Variants in GRM7 observed in about 807,000 individuals in gnomAD.
The protein encoded by GRM7 is glutamate metabotropic receptor 7, also known as metabotropic glutamate receptor 7.
GRM7 carries 35 observed loss-of-function variants against 84.5 expected under a neutral mutation model. The ratio of observed to expected loss-of-function variants is 0.41; its 90% CI spans 0.32 to 0.55. The LOEUF is 0.55. GRM7 is among the 20% of genes least tolerant of loss of function. The probability of loss-of-function intolerance (pLI) is 0.19; values close to 1 mark genes in which losing one functional copy is unlikely to be tolerated. For missense variants in GRM7, 1,003 were observed against 1,194.6 expected (o/e 0.84, Z 2.36); for synonymous variants, 487 against 455.1 (o/e 1.07, Z -0.89).
rs1264779822 is a variant in GRM7 at position 6,953,517 on chromosome 3, C to G, written c.519+91610C>G. Among the ~76,000 whole-genome samples, 4 of 152,242 alleles carry G rather than the reference C, an allele frequency of 2.6e-5. No individual in the cohort carries two copies. In the East Asian group the frequency reaches 7.7e-4, roughly 29 times the overall value. On this transcript the variant is annotated intron_variant, in intron 1 of 9. Transcript: ENST00000357716. The stretch of plus-strand genomic sequence containing the variant: ...ATGCTTCATTTTTCCCCCCATGCCT[C>G]CAACTCTGATGCTGTGCAGTAGCCT...
At chr3:7,006,786 A>G (rs1033388836) in intron 1 of GRM7, among the ~76,000 whole-genome samples, 7 of 152,214 alleles carry the variant, frequency 4.6e-5, no homozygotes, top group African/African-American at 1.7e-4. Context: ...TCATTTTACA[A>G]TCTTTAAGTA....
intron 1 of GRM7, among the ~76,000 whole-genome samples, chr3:6,980,422 AT>A (rs1429958823): frequency 6.6e-6 from 1 of 152,098 alleles, no homozygotes; most frequent in African/African-American, 2.4e-5. Flanking sequence ...ATTCCCAACA[AT>A]TTTTTATAAT....
At chr3:6,927,273 C>A (rs1697330597) in intron 1 of GRM7, among the ~76,000 whole-genome samples, 1 of 151,722 alleles carries the variant, frequency 6.6e-6, no homozygotes, top group Admixed American at 6.6e-5. Flanking sequence ...ACTAAAAACA[C>A]AAAAATTAGC....
At position 7,441,576 on chromosome 3, in the gene GRM7, T is replaced by A. The variant is rs569902000; in HGVS notation, c.1175-11031T>A. Among the ~76,000 whole-genome samples the A allele has an allele frequency of 3.2e-4, 48 of 152,288 alleles. No individual in the cohort carries two copies. In the South Asian group the frequency reaches 9.1e-3, roughly 29 times the overall value. On this transcript the variant is annotated intron_variant, in intron 5 of 9. Coordinates refer to ENST00000357716, the MANE Select transcript of GRM7 (RefSeq NM_000844.4). ...TTGCCAGGGCCTATATCTAGAATGATATTTCCAAATTTTCTTAAAGAGTTT... is the reference window on the plus strand; with the variant it reads ...TTGCCAGGGCCTATATCTAGAATGAAATTTCCAAATTTTCTTAAAGAGTTT...
At chr3:7,420,494 G>A (rs553979469) in intron 5 of GRM7, among the ~76,000 whole-genome samples, 18 of 152,126 alleles carry the variant, frequency 1.2e-4, no homozygotes, top group Non-Finnish European at 2.1e-4. Flanking sequence ...TTACACCTTT[G>A]TGCTTTCTTA....
rs34179790 is a variant in GRM7, at chr3:7,605,488, C to T, written c.2451+26131C>T. On this transcript the variant is annotated intron_variant, in intron 8 of 9. Transcript: ENST00000357716. ...ATATACGATTTATACAAATAGTGAACATAATTTTCACAGCAGAAAAAAATC... is the reference window on the plus strand; with the variant it reads ...ATATACGATTTATACAAATAGTGAATATAATTTTCACAGCAGAAAAAAATC... Among the ~76,000 whole-genome samples, 504 of 152,076 alleles carry T rather than the reference C, an allele frequency of 3.3e-3. 4 individuals are homozygous for T. The highest frequency in any genetic ancestry group is 8.3e-3 in the South Asian group (40 of 4,816).
At chr3:7,329,907 C>A (rs78053000) in intron 4 of GRM7, among the ~76,000 whole-genome samples, 12 of 151,574 alleles carry the variant, frequency 7.9e-5, no homozygotes, top group East Asian at 2.0e-4. Context: ...ATTAATTTTC[C>A]AGTTGTGTAG....
chr3:7,147,455 C>T (rs940300114), intron 2 of GRM7, among the ~76,000 whole-genome samples: 7 of 152,104 alleles, frequency 4.6e-5, no homozygotes, highest in Non-Finnish European at 1.0e-4. Flanking sequence ...AATGGGTGCT[C>T]AGTGTTGTTT....
At chr3:7,202,140 A>G (rs1020025172) in intron 2 of GRM7, among the ~76,000 whole-genome samples, 8 of 152,188 alleles carry the variant, frequency 5.3e-5, no homozygotes, top group Non-Finnish European at 7.4e-5. Context: ...GTCTCAAATT[A>G]AAGGCTATTT....
At chr3:7,666,556 A>G (rs1445208566) in intron 8 of GRM7, among the ~76,000 whole-genome samples, 5 of 152,204 alleles carry the variant, frequency 3.3e-5, no homozygotes, top group Non-Finnish European at 7.3e-5. Context: ...CTACCATGGC[A>G]TCCTCTGCAC....
chr3:7,046,723 C>A, intron 1 of GRM7, among the ~76,000 whole-genome samples: 1 of 152,020 alleles, frequency 6.6e-6, no homozygotes, highest in East Asian at 1.9e-4. Flanking sequence ...AAAAGAAGGA[C>A]AATGGATGCA....
At chr3:7,538,323 C>T (rs2125012756) in intron 7 of GRM7, among the ~76,000 whole-genome samples, 1 of 152,188 alleles carries the variant, frequency 6.6e-6, no homozygotes, top group African/African-American at 2.4e-5. Context: ...TGTTGGCCAG[C>T]CTGGTCTCAA....
chr3:7,477,708 G>A (rs1372712583), intron 7 of GRM7, among the ~76,000 whole-genome samples: 1 of 152,076 alleles, frequency 6.6e-6, no homozygotes, highest in Non-Finnish European at 1.5e-5. Context: ...TTTAAAATAT[G>A]TCTTTTGAAA....
intron 1 of GRM7, among the ~76,000 whole-genome samples, chr3:7,064,966 C>A (rs1697599410): frequency 6.6e-6 from 1 of 151,666 alleles, no homozygotes; most frequent in Admixed American, 6.6e-5. Context: ...TTCATATGTT[C>A]ATTGGCCATT....
chr3:7,499,987 A>G (rs1287634175), intron 7 of GRM7, among the ~76,000 whole-genome samples: 1 of 152,002 alleles, frequency 6.6e-6, no homozygotes, highest in Admixed American at 6.6e-5. Flanking sequence ...TGTTAGCCAG[A>G]ATGGTCTCAA....
At chr3:7,385,289 ATTTTTTT>A (rs574917994) in intron 4 of GRM7, among the ~76,000 whole-genome samples, 26 of 67,286 alleles carry the variant, frequency 3.9e-4, no homozygotes, top group Middle Eastern at 0.014. Flanking sequence ...TTCTATATGG[ATTTTTTT>A]TTTTTTTTTT....
At chr3:7,438,264 T>C (rs766684901) in intron 5 of GRM7, among the ~76,000 whole-genome samples, 1 of 151,926 alleles carries the variant, frequency 6.6e-6, no homozygotes, top group Non-Finnish European at 1.5e-5. Flanking sequence ...GATAATAACT[T>C]GGAGAAGGGC....
intron 7 of GRM7, among the ~76,000 whole-genome samples, chr3:7,548,043 G>T (rs574466598): frequency 6.6e-6 from 1 of 152,354 alleles, no homozygotes; most frequent in East Asian, 1.9e-4. Context: ...ATCTTGAACA[G>T]TTGGCCAACA....
intron 1 of GRM7, among the ~76,000 whole-genome samples, chr3:6,867,384 A>C (rs1694973540): frequency 6.6e-6 from 1 of 152,274 alleles, no homozygotes; most frequent in Non-Finnish European, 1.5e-5. Flanking sequence ...AGCCTTTGTG[A>C]TCACATCTTC....
Sources: allele counts gnomAD v4.1 joint callset (sites outside exome capture counted in the v4.1 genomes callset), GRCh38; gene constraint gnomAD v4.1.1; transcripts MANE v1.5; gene names NCBI Gene and HGNC (gene_info 2026-07-23, HGNC 2026-07-21).